The following PGM1 variants were observed in gnomAD, a reference collection of about 807,000 sequenced individuals.
PGM1 encodes phosphoglucomutase-1.
Under a neutral mutation model 55.6 loss-of-function variants are expected in PGM1, and 52 were observed. The observed-to-expected ratio is 0.94, with a 90% CI of 0.75 to 1.18. The LOEUF (loss-of-function observed/expected upper bound fraction) is 1.18, where lower values mean the gene tolerates loss of function less well. Among genes scored for constraint, PGM1 ranks in the 50% most tolerant of loss-of-function variants. The pLI is 0.00. For synonymous variants in PGM1, 287 were observed against 271.7 expected, an observed-to-expected ratio of 1.06 and a Z score of -0.55; for missense variants, 724 against 729.3, an observed-to-expected ratio of 0.99 and a Z score of 0.08.
chr1:63,623,391 A>G (rs569660388), intron 1 of PGM1: 2 of 1,556,496 alleles, frequency 1.3e-6, no homozygotes, highest in South Asian at 2.5e-5. Flanking sequence ...TTCAGGTTGG[A>G]CAGACCTATT....
At chr1:63,600,746 T>C (rs1002237441) in intron 1 of PGM1, among the ~76,000 whole-genome samples, 3 of 152,160 alleles carry the variant, frequency 2.0e-5, no homozygotes, top group Admixed American at 2.0e-4. Context: ...AAGAGTTAGA[T>C]GGAAAGGATA....
chr1:63,644,655 G>GTA (rs1421216037), intron 7 of PGM1, among the ~76,000 whole-genome samples: 1 of 152,062 alleles, frequency 6.6e-6, no homozygotes, highest in Non-Finnish European at 1.5e-5. Flanking sequence ...ACCTCACAAT[G>GTA]TATAAACTAT....
intron 1 of PGM1, among the ~76,000 whole-genome samples, chr1:63,608,814 C>T (rs1197620870): frequency 3.9e-5 from 6 of 152,194 alleles, no homozygotes; most frequent in Non-Finnish European, 2.9e-5. Flanking sequence ...AAATCACTTA[C>T]CCCACAGTTT....
intron 1 of PGM1, among the ~76,000 whole-genome samples, chr1:63,610,375 T>TA (rs199952486): frequency 4.0e-5 from 6 of 148,762 alleles, no homozygotes; most frequent in South Asian, 2.1e-4. Flanking sequence ...TAAAGAATAA[T>TA]AAAAAAAAAA....
chr1:63,598,949 C>T (rs1648158372), intron 1 of PGM1, among the ~76,000 whole-genome samples: 1 of 152,194 alleles, frequency 6.6e-6, no homozygotes, highest in African/African-American at 2.4e-5. Flanking sequence ...CCACCCTTTT[C>T]TGAACTTTCA....
At chr1:63,609,206 T>C (rs1397314971) in intron 1 of PGM1, among the ~76,000 whole-genome samples, 2 of 152,192 alleles carry the variant, frequency 1.3e-5, no homozygotes, top group Non-Finnish European at 2.9e-5. Context: ...GATCTTCACC[T>C]GTTTTGAGTC....
At chr1:63,643,064 G>T (rs1649559282) in intron 7 of PGM1, among the ~76,000 whole-genome samples, 1 of 152,156 alleles carries the variant, frequency 6.6e-6, no homozygotes, top group Non-Finnish European at 1.5e-5. Context: ...TGGTGTAGGA[G>T]ATCAGATTTT....
At chr1:63,620,541 GC>G (rs1648853491) in intron 1 of PGM1, among the ~76,000 whole-genome samples, 1 of 152,196 alleles carries the variant, frequency 6.6e-6, no homozygotes, top group African/African-American at 2.4e-5. Context: ...ATTCAGGCCA[GC>G]CCTCACATGG....
chr1:63,626,707 TAA>T lies in PGM1; in HGVS notation c.247-2714_247-2713del, dbSNP rs374367315. On this transcript the variant is annotated intron_variant, in intron 1 of 10. Transcript: ENST00000371084. ...TCTTTGAGTACAGTGACAAATTCTTTAAAAAGTTTTAGTTGTGGTAAAAACAT... is the reference window on the plus strand; with the variant it reads ...TCTTTGAGTACAGTGACAAATTCTTTAAAGTTTTAGTTGTGGTAAAAACAT... Among the ~76,000 whole-genome samples, 103 of 152,360 alleles carry T rather than the reference TAA, an allele frequency of 6.8e-4. No homozygotes were observed. In the South Asian group the frequency reaches 0.02, roughly 30 times the overall value.
At position 63,651,826 on chromosome 1, in the gene PGM1, G is replaced by A. The variant is rs763811867; in HGVS notation, c.1438G>A (p.Val480Met). 2 of 1,614,084 alleles carry A rather than the reference G, an allele frequency of 1.2e-6. No homozygotes were observed. Among genetic ancestry groups the A allele is most frequent in the South Asian group, 2.2e-5 (2 of 91,074 alleles). Residue 480 changes from valine to methionine, a missense_variant, in exon 9 of 11, where the codon GTG becomes ATG. Physicochemically the swap from Val to Met is conservative, Grantham distance 21. Around this residue, in one of 3 missense-constraint regions of PGM1, gnomAD observed 316 missense variants for 313.1 expected, o/e 1.01. Transcript: ENST00000371084. ...KADNFEYSDP[V>M]DGSISRNQGL... ...CGATAACTTTGAATACAGCGACCCA[G>A]TGGATGGAAGCATTTCAAGAAATCA...
chr1:63,627,079 A>T (rs1649043855), intron 1 of PGM1, among the ~76,000 whole-genome samples: 1 of 108,880 alleles, frequency 9.2e-6, no homozygotes. Context: ...ACACACACAC[A>T]CTTTTAAGGC....
intron 1 of PGM1, among the ~76,000 whole-genome samples, chr1:63,613,567 C>T (rs562191034): frequency 6.6e-6 from 1 of 152,176 alleles, no homozygotes; most frequent in East Asian, 1.9e-4. Flanking sequence ...CCAAATTTCC[C>T]TCTCCTAAAT....
chr1:63,616,474 G>A (rs1648715532), intron 1 of PGM1, among the ~76,000 whole-genome samples: 1 of 152,134 alleles, frequency 6.6e-6, no homozygotes, highest in South Asian at 2.1e-4. Context: ...TCTCTTGTAG[G>A]CTCCCAGATG....
At chr1:63,646,521 A>C (rs1336677617) in intron 7 of PGM1, among the ~76,000 whole-genome samples, 24 of 152,144 alleles carry the variant, frequency 1.6e-4, no homozygotes, top group Non-Finnish European at 4.4e-5. Context: ...CCAAACCTTA[A>C]TGGTTAAAGA....
chr1:63,608,270 C>A (rs1369188974), intron 1 of PGM1, among the ~76,000 whole-genome samples: 1 of 152,210 alleles, frequency 6.6e-6, no homozygotes, highest in East Asian at 1.9e-4. Flanking sequence ...TGCAGCCTAC[C>A]GCAGTGGCCT....
At chr1:63,638,001 A>C (rs939700409) in intron 6 of PGM1, among the ~76,000 whole-genome samples, 1 of 116,438 alleles carries the variant, frequency 8.6e-6, no homozygotes, top group African/African-American at 4.5e-5. Flanking sequence ...TTCAAAGGGA[A>C]AGGAATTTTT....
chr1:63,631,929 C>T, intron 4 of PGM1, 147 bp downstream of exon 4: 2 of 806,688 alleles, frequency 2.5e-6, no homozygotes, highest in South Asian at 1.5e-5. Flanking sequence ...GCAATATTCA[C>T]ACAGATAAAA....
intron 1 of PGM1, among the ~76,000 whole-genome samples, chr1:63,597,289 T>C (rs1019049019): frequency 6.6e-6 from 1 of 152,276 alleles, no homozygotes; most frequent in East Asian, 1.9e-4. Flanking sequence ...TGAATACAAA[T>C]TGAGGGAGTT....
At chr1:63,623,547 C>G (rs534831573) in intron 1 of PGM1, 1 of 1,612,732 alleles carries the variant, frequency 6.2e-7, no homozygotes, top group Non-Finnish European at 8.5e-7. Flanking sequence ...CTACAGCTCC[C>G]TACCACGATC....
Sources: allele counts gnomAD v4.1 joint callset (sites outside exome capture counted in the v4.1 genomes callset), GRCh38; gene constraint gnomAD v4.1.1; regional missense constraint gnomAD v4.1.1; transcripts MANE v1.5; gene names NCBI Gene and HGNC (gene_info 2026-07-23, HGNC 2026-07-21).